The following MTSS1 variants were observed in gnomAD, a reference collection of about 807,000 sequenced individuals.
The protein encoded by MTSS1 is MTSS I-BAR domain containing 1.
In MTSS1, 18 loss-of-function variants were observed where a neutral mutation model predicts 79.0. That is an observed-to-expected ratio of 0.23 (90% CI 0.16 to 0.34). MTSS1 has a LOEUF of 0.34. Ranked by LOEUF, MTSS1 falls within the 10% of genes least tolerant of loss-of-function variation. The pLI is 1.00. For synonymous variants in MTSS1, 341 were observed against 368.6 expected, an observed-to-expected ratio of 0.93 and a Z score of 0.86; for missense variants, 815 against 986.2, an observed-to-expected ratio of 0.83 and a Z score of 2.33.
At chr8:124,690,429 A>C (rs1358243135) in intron 3 of MTSS1, among the ~76,000 whole-genome samples, 2 of 152,218 alleles carry the variant, frequency 1.3e-5, no homozygotes, top group African/African-American at 4.8e-5. Context: ...TTCTGGTGAC[A>C]TCCTGCCCTG....
chr8:124,568,217 A>G (rs953276272), intron 7 of MTSS1, 162 bp downstream of exon 7: 47 of 789,544 alleles, frequency 6.0e-5, no homozygotes, highest in Non-Finnish European at 7.4e-5. Flanking sequence ...AGTGAGCTAC[A>G]TGGCCATCAA....
At chr8:124,577,126 A>C (rs755998434) in intron 6 of MTSS1, among the ~76,000 whole-genome samples, 3 of 152,222 alleles carry the variant, frequency 2.0e-5, no homozygotes, top group Non-Finnish European at 4.4e-5. Flanking sequence ...TCACAGCTCT[A>C]GGCTTCTGGT....
chr8:124,687,625 T>C (rs1268458113), intron 3 of MTSS1, among the ~76,000 whole-genome samples: 1 of 152,218 alleles, frequency 6.6e-6, no homozygotes, highest in Admixed American at 6.5e-5. Context: ...CAAGCCCTTC[T>C]GGTGAACCAA....
rs74460508 is a variant in MTSS1, at chr8:124,597,077, C to T, written c.209-5842G>A. 0.015 allele frequency among the ~76,000 whole-genome samples: 2,255 copies of T among 152,206 alleles called. 90 individuals carry two copies. In the East Asian group the frequency reaches 0.16, roughly 11 times the overall value. The stretch of plus-strand genomic sequence containing the variant: ...CCGCAGTCCACGGCCCACATCCTAC[C>T]GTGCAGCAAAAACTAACGTGATTTC... On this transcript the variant is annotated intron_variant, in intron 3 of 13. Transcript: ENST00000518547. The surrounding 1 kb of genome is among the most constrained non-coding windows in gnomAD (Gnocchi z 4.6).
intron 1 of MTSS1, among the ~76,000 whole-genome samples, chr8:124,721,466 G>A (rs1832927220): frequency 6.9e-6 from 1 of 143,988 alleles, no homozygotes; most frequent in Admixed American, 7.3e-5. Context: ...CTGGAGTGCA[G>A]TGGCGTGATC....
intron 3 of MTSS1, among the ~76,000 whole-genome samples, chr8:124,628,121 C>T (rs1374129332): frequency 6.6e-6 from 1 of 152,088 alleles, no homozygotes; most frequent in Non-Finnish European, 1.5e-5. Flanking sequence ...GAGCTGAGAT[C>T]GTGCCATTGC....
intron 3 of MTSS1, among the ~76,000 whole-genome samples, chr8:124,650,555 C>T (rs561369928): frequency 2.0e-5 from 3 of 152,236 alleles, no homozygotes; most frequent in South Asian, 4.1e-4. Flanking sequence ...TCCATTTTTA[C>T]CCCATCTCCC....
chr8:124,706,742 A>G (rs186955635), intron 1 of MTSS1, among the ~76,000 whole-genome samples: 29 of 152,372 alleles, frequency 1.9e-4, no homozygotes, highest in Non-Finnish European at 2.2e-4. Flanking sequence ...CTTCCACCCA[A>G]GAGCAGAACT....
At chr8:124,574,415 G>C (rs1828541501) in intron 6 of MTSS1, among the ~76,000 whole-genome samples, 1 of 152,140 alleles carries the variant, frequency 6.6e-6, no homozygotes, top group Admixed American at 6.5e-5. Context: ...TGAGACTGAG[G>C]GAGGCAAAGT....
At chr8:124,693,076 TC>T in intron 3 of MTSS1, among the ~76,000 whole-genome samples, 1 of 151,616 alleles carries the variant, frequency 6.6e-6, no homozygotes, top group Admixed American at 6.6e-5. Context: ...GCTCTTAAAC[TC>T]CTGGGAGACA....
At chr8:124,596,371 G>A (rs189872634) in intron 3 of MTSS1, among the ~76,000 whole-genome samples, 3 of 152,280 alleles carry the variant, frequency 2.0e-5, no homozygotes, top group African/African-American at 4.8e-5. Context: ...AACATAACCC[G>A]ATTCAACGTG....
intron 5 of MTSS1, among the ~76,000 whole-genome samples, chr8:124,586,801 A>T (rs567189659): frequency 1.3e-3 from 199 of 152,272 alleles, no homozygotes; most frequent in Non-Finnish European, 2.6e-3. Context: ...TAGGCTCTTC[A>T]TCTCTGTATG....
chr8:124,621,986 C>G (rs16899876), intron 3 of MTSS1, among the ~76,000 whole-genome samples: 3,267 of 151,860 alleles, frequency 0.022, 169 homozygotes, highest in East Asian at 0.14. Context: ...TGCACCAGCA[C>G]GAGGTGGCTT....
intron 3 of MTSS1, among the ~76,000 whole-genome samples, chr8:124,641,279 C>G (rs1392733678): frequency 6.6e-6 from 1 of 152,186 alleles, no homozygotes; most frequent in Non-Finnish European, 1.5e-5. Context: ...CCCCCAATCC[C>G]CATATACCTG....
At chr8:124,615,932 C>T (rs148569578) in intron 3 of MTSS1, among the ~76,000 whole-genome samples, 119 of 152,296 alleles carry the variant, frequency 7.8e-4, no homozygotes, top group South Asian at 1.7e-3. Context: ...GTGCCCCAGA[C>T]GCTATGGCTA....
At chr8:124,554,667 C>CT (rs1245211086) in intron 13 of MTSS1, among the ~76,000 whole-genome samples, 1 of 152,290 alleles carries the variant, frequency 6.6e-6, no homozygotes, top group African/African-American at 2.4e-5. Flanking sequence ...GCATTACACT[C>CT]TAACACACTT....
At chr8:124,715,678 C>T (rs1831833155) in intron 1 of MTSS1, among the ~76,000 whole-genome samples, 1 of 132,664 alleles carries the variant, frequency 7.5e-6, no homozygotes, top group Non-Finnish European at 1.6e-5. Flanking sequence ...TTGTCATTTC[C>T]ATAGCCATTT....
intron 3 of MTSS1, among the ~76,000 whole-genome samples, chr8:124,689,083 C>T (rs1827503706): frequency 6.7e-6 from 1 of 149,840 alleles, no homozygotes; most frequent in South Asian, 2.1e-4. Context: ...GAATTCACTG[C>T]CAAATTCTCG....
intron 1 of MTSS1, among the ~76,000 whole-genome samples, chr8:124,710,408 T>C (rs1228113420): frequency 6.6e-6 from 1 of 150,736 alleles, no homozygotes; most frequent in African/African-American, 2.4e-5. Flanking sequence ...CTCCTTCAAC[T>C]GAAGAGTTTG....
Sources: gnomAD v4.1 joint callset for allele counts (sites outside exome capture counted in the v4.1 genomes callset) on GRCh38, gnomAD v4.1.1 for gene constraint, Gnocchi (gnomAD v3.1) non-coding constraint, MANE v1.5 for transcripts, NCBI Gene and HGNC (gene_info 2026-07-23, HGNC 2026-07-21) for gene names.